Variants in ABCD4 observed in about 807,000 individuals in gnomAD.
The protein encoded by ABCD4 is ATP binding cassette subfamily D member 4.
In ABCD4, 53 loss-of-function variants were observed where a neutral mutation model predicts 86.3. The ratio of observed to expected loss-of-function variants is 0.61; its 90% CI spans 0.49 to 0.77. ABCD4 has a LOEUF of 0.77. ABCD4 is among the 30% of genes least tolerant of loss of function. The probability of loss-of-function intolerance (pLI) is 0.00; values close to 1 mark genes in which losing one functional copy is unlikely to be tolerated. For synonymous variants in ABCD4, 328 were observed against 313.6 expected (o/e 1.05, Z -0.49); for missense variants, 757 against 764.5 (o/e 0.99, Z 0.12).
rs1038229244 is a variant in ABCD4 at position 74,299,495 on chromosome 14, G to C, written c.285+53C>G. ...GAGGCTAAGTTCCACTAGGCATTACGGTCACACTGGACTGGAGAGGACGAG... is the reference window on the plus strand; with the variant it reads ...GAGGCTAAGTTCCACTAGGCATTACCGTCACACTGGACTGGAGAGGACGAG... On this transcript the variant is annotated intron_variant, in intron 3 of 18. Coordinates refer to ENST00000356924, the MANE Select transcript of ABCD4 (RefSeq NM_005050.4). The C allele has an allele frequency of 4.4e-6, 7 of 1,602,050 alleles. No individual in the cohort carries two copies. The Admixed American group carries it at 6.7e-5, about 15-fold the overall frequency.
At chr14:74,301,013 C>T (rs1002099939) in intron 1 of ABCD4, among the ~76,000 whole-genome samples, 1 of 151,968 alleles carries the variant, frequency 6.6e-6, no homozygotes, top group Non-Finnish European at 1.5e-5. Flanking sequence ...CCACCACGCC[C>T]GGCTAATTTT....
chr14:74,297,994 G>A lies in ABCD4; in HGVS notation c.361C>T (p.Arg121Cys), dbSNP rs887149718. 7.4e-6 allele frequency: 12 copies of A among 1,613,980 alleles called. No individual in the cohort carries two copies. The highest frequency in any genetic ancestry group is 5.0e-5 in the Admixed American group (3 of 59,958). Residue 121 changes from arginine to cysteine, a missense_variant, in exon 4 of 19, where the codon CGC (arginine) becomes TGC (cysteine). By Grantham distance (180) the Arg-to-Cys change is radical. Coordinates refer to ENST00000356924, the MANE Select transcript of ABCD4 (RefSeq NM_005050.4). ...TACGCACGGCCCCGGAAGTAGAGGC[G>A]GTGAAGGTGCTCAGTGAGGTCCTTC... ...WRKDLTEHLH[R>C]LYFRGRAYYT...
intron 1 of ABCD4, among the ~76,000 whole-genome samples, chr14:74,300,827 CTG>C (rs1215354849): frequency 6.6e-6 from 1 of 152,120 alleles, no homozygotes; most frequent in Non-Finnish European, 1.5e-5. Context: ...GAGGTGGTAT[CTG>C]CAGAGTGCAA....
rs1361787460 is a variant in ABCD4 at position 74,293,144 on chromosome 14, C to T, written c.814+10G>A. 2 of 1,613,082 alleles carry T rather than the reference C, an allele frequency of 1.2e-6. No homozygotes were observed. Among genetic ancestry groups the T allele is most frequent in the South Asian group, 2.2e-5 (2 of 91,010 alleles). ...CCATGGTTCCCACTTCCCTGGGCCC[C>T]CTCGCCTACTGTACAGCCAGAGCTC... On this transcript the variant is annotated intron_variant, in intron 8 of 18. Transcript: ENST00000356924.
rs1366939809 is a variant in ABCD4 at position 74,297,941 on chromosome 14, G to C, written c.414C>G (p.Asp138Glu). 1 of 1,613,302 alleles carries C rather than the reference G, an allele frequency of 6.2e-7. No homozygotes were observed. Among genetic ancestry groups the C allele is most frequent in the Admixed American group, 1.7e-5 (1 of 59,654 alleles). Reference sequence around the variant, plus strand: ...GTTGGGGCGCCTACGGGTTATCGATGTCATCCCGCAGCACGTTGAGGGTGT... The same window carrying C: ...GTTGGGGCGCCTACGGGTTATCGATCTCATCCCGCAGCACGTTGAGGGTGT... ...AYYTLNVLRD[D>E]IDNPDQRISQ... The change falls in exon 4 of 19, where the codon GAC becomes GAG. Residue 138 changes from aspartate to glutamate, a missense_variant. By Grantham distance (45) the Asp-to-Glu change is conservative. Transcript: ENST00000356924.
In ABCD4 at chr14:74,290,466, G is replaced by A. The variant is rs2081188155; in HGVS notation, c.1152C>T (p.Asp384=). ...AGACCCGCTCAAGGAGAAATGCTGT[G>A]TCTGCTGGCTCTGCCGCTGGCCACC... ...PPGWPAAEPA[D]TAFLLERVSI... The change falls in exon 12 of 19, where the codon GAC becomes GAT. Residue 384 remains aspartate (D), a synonymous_variant. Coordinates refer to ENST00000356924, the MANE Select transcript of ABCD4 (RefSeq NM_005050.4). 1.9e-6 allele frequency: 3 copies of A among 1,613,842 alleles called. No homozygotes were observed. The Admixed American group carries it at 5.0e-5, about 27-fold the overall frequency.
At chr14:74,299,975 A>T (rs749551190) in intron 2 of ABCD4, 175 bp downstream of exon 2, 15 of 591,908 alleles carry the variant, frequency 2.5e-5, no homozygotes, top group Non-Finnish European at 4.5e-5. Context: ...AGGCAGGAGA[A>T]TCACTTGAAC....
At chr14:74,293,270 G>A in intron 7 of ABCD4, 22 bp from the exon 8 acceptor site, 2 of 1,613,150 alleles carry the variant, frequency 1.2e-6, no homozygotes. Flanking sequence ...AGGCTGGGAT[G>A]TCCACAGGGC....
intron 8 of ABCD4, 46 bp downstream of exon 8, chr14:74,293,108 C>T (rs763239218): frequency 6.3e-7 from 1 of 1,582,826 alleles, no homozygotes. Flanking sequence ...GGGAAGCAGA[C>T]CAGTCCAACC....
chr14:74,296,414 C>G lies in ABCD4; in HGVS notation c.461G>C (p.Cys154Ser). The G allele has an allele frequency of 6.2e-7, 1 of 1,614,100 alleles. No individual in the cohort carries two copies. Among genetic ancestry groups the G allele is most frequent in the African/African-American group, 1.3e-5 (1 of 75,018 alleles). ...GCTGGCCATGCTGCTGAGCTGCCGG[C>G]AGAATCGCTCCACGTCCTGGCTGAT... ...QRISQDVERF[C>S]RQLSSMASKL... Residue 154 changes from cysteine (C) to serine (S), a missense_variant, in exon 5 of 19, where the codon TGC (cysteine) becomes TCC (serine). Coordinates refer to ENST00000356924, the MANE Select transcript of ABCD4 (RefSeq NM_005050.4).
chr14:74,298,040 G>A lies in ABCD4; in HGVS notation c.315C>T (p.Asn105=). ...TLKSFDQFTC[N]LLYVSWRKDL... ...CCTTCCTCCAGCTCACATACAGCAG[G>A]TTGCAGGTGAACTGATCAAAGCTCT... Residue 105 remains asparagine (N), a synonymous_variant, in exon 4 of 19, where the codon AAC becomes AAT. Transcript: ENST00000356924. 2 of 1,613,972 alleles carry A rather than the reference G, an allele frequency of 1.2e-6. No homozygotes were observed. The highest frequency in any genetic ancestry group is 1.1e-5 in the South Asian group (1 of 91,016).
chr14:74,295,752 G>A (rs1020813577), intron 6 of ABCD4, 102 bp downstream of exon 6: 1 of 1,503,456 alleles, frequency 6.7e-7, no homozygotes, highest in Admixed American at 2.0e-5. Flanking sequence ...CACACAGCTA[G>A]TAACTGGCAC....
Position 74,288,221 on chromosome 14 carries a change from C to T in ABCD4, c.1545G>A (p.Gln515=), listed in dbSNP as rs144462424. 9 of 1,612,212 alleles carry T rather than the reference C, an allele frequency of 5.6e-6. No homozygotes were observed. Among genetic ancestry groups the T allele is most frequent in the African/African-American group, 5.3e-5 (4 of 74,900 alleles). ...TCTTTTCTTACCAGTTCCAGTCCAC[C>T]TGCTGGTCCAGGCCCTCTGTCCTTG... ...LVARTEGLDQ[Q]VDWNWYDVLS... The change falls in exon 16 of 19, where the codon CAG becomes CAA. Residue 515 remains glutamine, a synonymous_variant. Transcript: ENST00000356924.
chr14:74,289,706 G>T lies in ABCD4; in HGVS notation c.1420-187C>A, dbSNP rs926576775. 6.7e-5 allele frequency: 97 copies of T among 1,441,728 alleles called. No homozygotes were observed. In the Middle Eastern group the frequency reaches 7.5e-4, roughly 11 times the overall value. 89.3% of individuals were successfully genotyped at this position (1,441,728 alleles called of 1,614,324 possible). A position where few individuals can be genotyped will look rare whatever the true frequency, so the allele number is the denominator to read the frequency against. On this transcript the variant is annotated intron_variant, in intron 13 of 18. Transcript: ENST00000356924. ...GGCAAGGTCCCTACAACCTTCAGAA[G>T]TGTGTTTAGGGGGAACAGTCTGACA...
rs942318454 is a variant in ABCD4 at position 74,295,903 on chromosome 14, G to T, written c.619C>A (p.Pro207Thr). 2 of 1,613,128 alleles carry T rather than the reference G, an allele frequency of 1.2e-6. No homozygotes were observed. The highest frequency in any genetic ancestry group is 1.7e-6 in the Non-Finnish European group (2 of 1,179,808). Residue 207 changes from proline (P) to threonine (T), a missense_variant, in exon 6 of 19, where the codon CCC (proline) becomes ACC (threonine). Pro to Thr is a conservative substitution (Grantham distance 38). Coordinates refer to ENST00000356924, the MANE Select transcript of ABCD4 (RefSeq NM_005050.4). ...TGATGCACCAGCTTCATCACAATGG[G>T]GCCCATCAAAGTTTTGTTCACCACG... Reference protein sequence around the residue: ...GTVVNKTLMGPIVMKLVHQEK... With the variant: ...GTVVNKTLMGTIVMKLVHQEK...
Position 74,290,378 on chromosome 14 carries a change from C to T in ABCD4, c.1240G>A (p.Gly414Arg). The T allele has an allele frequency of 2.5e-6, 4 of 1,614,114 alleles. No homozygotes were observed. The highest frequency in any genetic ancestry group is 3.4e-6 in the Non-Finnish European group (4 of 1,180,026). ...TTGCCTGTGATGAGCAGGCTCTGTC[C>T]CTCGGAGATCTTTAGGCTCAGATCC... ...IKDLSLKISE[G>R]QSLLITGNTG... The change falls in exon 12 of 19, where the codon GGA (glycine) becomes AGA (arginine). Residue 414 changes from glycine (G) to arginine (R), a missense_variant. By Grantham distance (125) the Gly-to-Arg change is moderately radical. Transcript: ENST00000356924.
chr14:74,287,373 A>G (rs1336935688), intron 17 of ABCD4, among the ~76,000 whole-genome samples: 1 of 151,854 alleles, frequency 6.6e-6, no homozygotes. Flanking sequence ...ACATAGCATG[A>G]CCCTGTCTCT....
chr14:74,290,251 G>A lies in ABCD4; in HGVS notation c.1327+40C>T, dbSNP rs770426895. On this transcript the variant is annotated intron_variant, in intron 12 of 18. Coordinates refer to ENST00000356924, the MANE Select transcript of ABCD4 (RefSeq NM_005050.4). Reference sequence around the variant, plus strand: ...TCCCCGCCTTCACCCCACCCCTAGGGCCCAGGCTGGGTCAGAGGCAGGGAG... The same window carrying A: ...TCCCCGCCTTCACCCCACCCCTAGGACCCAGGCTGGGTCAGAGGCAGGGAG... 20 of 1,612,452 alleles carry A rather than the reference G, an allele frequency of 1.2e-5. 1 individual carries two copies. The South Asian group carries it at 2.0e-4, about 16-fold the overall frequency.
chr14:74,302,525 A>C (rs867251765), intron 1 of ABCD4, among the ~76,000 whole-genome samples: 1 of 152,222 alleles, frequency 6.6e-6, no homozygotes, highest in African/African-American at 2.4e-5. Flanking sequence ...AAAATAAACA[A>C]GGAGCCTTGC....
Sources: allele counts gnomAD v4.1 joint callset (sites outside exome capture counted in the v4.1 genomes callset), GRCh38; gene constraint gnomAD v4.1.1; transcripts MANE v1.5; gene names NCBI Gene and HGNC (gene_info 2026-07-23, HGNC 2026-07-21).